PLCH2: variants seen among roughly 807,000 people sequenced by gnomAD.
PLCH2 encodes the protein phospholipase C eta 2.
In PLCH2, 98 loss-of-function variants were observed where a neutral mutation model predicts 134.7. The ratio of observed to expected loss-of-function variants is 0.73; its 90% CI spans 0.62 to 0.86. The LOEUF is 0.86. Among genes scored for constraint, PLCH2 ranks in the 40% least tolerant of loss-of-function variants. PLCH2 has a pLI of 0.00. For missense variants in PLCH2, 1,994 were observed against 1,986.6 expected, an observed-to-expected ratio of 1.00 and a Z score of -0.07; for synonymous variants, 974 against 827.5, an observed-to-expected ratio of 1.18 and a Z score of -3.04.
chr1:2,457,762 G>C (rs1640565753), intron 2 of PLCH2, among the ~76,000 whole-genome samples: 2 of 152,102 alleles, frequency 1.3e-5, no homozygotes, highest in South Asian at 4.2e-4. Context: ...CCACAGCCTC[G>C]TGTGGAACAT....
At chr1:2,472,387 A>G (rs1641366045), upstream of PLCH2, among the ~76,000 whole-genome samples, 1 of 152,108 alleles carries the variant, frequency 6.6e-6, no homozygotes, top group Non-Finnish European at 1.5e-5. Context: ...CCCCTCCTGC[A>G]TGCTGGGCCG....
At chr1:2,420,719 C>T in the PLCH2 span, among the ~76,000 whole-genome samples, 2 of 152,228 alleles carry the variant, frequency 1.3e-5, no homozygotes, top group African/African-American at 4.8e-5. Context: ...CTTCAGGCCT[C>T]AGGCCTGGAG....
rs532964052 is a variant in PLCH2, at chr1:2,458,353, G to T, written c.116-20123G>T. 4.6e-5 allele frequency among the ~76,000 whole-genome samples: 7 copies of T among 152,280 alleles called. No individual in the cohort carries two copies. In the South Asian group the frequency reaches 1.4e-3, roughly 32 times the overall value. On this transcript the variant is annotated intron_variant, in intron 2 of 3. Transcript: ENST00000609981. ...GCAGATGGCAGAGACCCTGGAGCAGGGCACTAGCAGGGGGCTGGGCACCTA... is the reference window on the plus strand; with the variant it reads ...GCAGATGGCAGAGACCCTGGAGCAGTGCACTAGCAGGGGGCTGGGCACCTA...
upstream of PLCH2, among the ~76,000 whole-genome samples, chr1:2,463,117 G>C (rs1208173805): frequency 6.6e-6 from 1 of 152,224 alleles, no homozygotes; most frequent in Admixed American, 6.5e-5. Context: ...GCACCTCTGA[G>C]AGGTAATTAG....
intron 14 of PLCH2, 61 bp from the exon 15 acceptor site, chr1:2,496,767 C>A: frequency 6.2e-7 from 1 of 1,609,804 alleles, no homozygotes; most frequent in Non-Finnish European, 8.5e-7. Flanking sequence ...CCCTGCTATG[C>A]TGCTGGGCGC....
chr1:2,472,197 G>A (rs1641355638), upstream of PLCH2, among the ~76,000 whole-genome samples: 2 of 152,208 alleles, frequency 1.3e-5, no homozygotes, highest in South Asian at 4.1e-4. Flanking sequence ...GCTCCCAGAC[G>A]TGCGGGGGGA....
upstream of PLCH2, among the ~76,000 whole-genome samples, chr1:2,464,853 T>C (rs2100599457): frequency 6.6e-6 from 1 of 152,256 alleles, no homozygotes; most frequent in African/African-American, 2.4e-5. Flanking sequence ...CAGCACCTGG[T>C]TCAGGTGGCC....
At chr1:2,466,679 G>A (rs908867985), upstream of PLCH2, among the ~76,000 whole-genome samples, 1 of 152,248 alleles carries the variant, frequency 6.6e-6, no homozygotes, top group Non-Finnish European at 1.5e-5. Flanking sequence ...CCTTGGGGCA[G>A]AGGTGGTACC....
At chr1:2,495,967 G>T (rs997671334) in intron 13 of PLCH2, among the ~76,000 whole-genome samples, 1 of 152,074 alleles carries the variant, frequency 6.6e-6, no homozygotes, top group African/African-American at 2.4e-5. Flanking sequence ...CCCCCGTGTC[G>T]GAGGCCTTCC....
rs575007313 is a variant in PLCH2, at chr1:2,499,633, T to C, written c.2582-8T>C. On this transcript the variant is annotated splice_region_variant and splice_polypyrimidine_tract_variant and intron_variant, in intron 19 of 21. Coordinates refer to ENST00000378486, the MANE Select transcript of PLCH2 (RefSeq NM_014638.4). ...ACCTCATGACCCTGCTGACCCACAC[T>C]GCTCCAGGCTACAGACACGTGTACC... The C allele has an allele frequency of 1.0e-5, 16 of 1,594,038 alleles. No individual in the cohort carries two copies. Among genetic ancestry groups the C allele is most frequent in the Middle Eastern group, 1.7e-4 (1 of 6,040 alleles).
At chr1:2,456,559 G>T (rs1434716620) in intron 2 of PLCH2, among the ~76,000 whole-genome samples, 1 of 152,232 alleles carries the variant, frequency 6.6e-6, no homozygotes, top group Non-Finnish European at 1.5e-5. Context: ...CTCGTCCTGT[G>T]CAGCCCCCGC....
At chr1:2,481,353 G>T (rs1283469819) in intron 4 of PLCH2, among the ~76,000 whole-genome samples, 1 of 152,246 alleles carries the variant, frequency 6.6e-6, no homozygotes, top group East Asian at 1.9e-4. Flanking sequence ...GGGCTGTGGG[G>T]GCTGGCAGGT....
upstream of PLCH2, among the ~76,000 whole-genome samples, chr1:2,465,945 T>C (rs548463079): frequency 6.6e-5 from 10 of 152,338 alleles, no homozygotes; most frequent in South Asian, 1.9e-3. Context: ...GGCTTTCGCC[T>C]TCTGTCTCCT....
Position 2,502,344 on chromosome 1 carries a change from C to G in PLCH2, c.2894C>G (p.Pro965Arg). Residue 965 changes from proline (P) to arginine (R), a missense_variant, in exon 21 of 22, where the codon CCC becomes CGC. By Grantham distance (103) the Pro-to-Arg change is moderately radical (BLOSUM62 -2). This residue lies in a region of PLCH2 where 900 missense variants were observed against 752.3 expected (regional missense o/e 1.20). Transcript: ENST00000378486. ...GSKGVADDVVPPGPGPAPEAP... is the reference protein window; with the variant it reads ...GSKGVADDVVRPGPGPAPEAP... ...AAGGGGGTGGCAGACGATGTGGTGC[C>G]CCCCGGGCCCGGACCTGCTCCGGAA... 6.5e-7 allele frequency: 1 copy of G among 1,536,638 alleles called. No individual in the cohort carries two copies. The highest frequency in any genetic ancestry group is 8.8e-7 in the Non-Finnish European group (1 of 1,142,632).
intron 4 of PLCH2, among the ~76,000 whole-genome samples, chr1:2,482,199 G>T (rs1048492590): frequency 6.6e-6 from 1 of 152,222 alleles, no homozygotes; most frequent in Non-Finnish European, 1.5e-5. Flanking sequence ...CTCACTGTCC[G>T]AGCATTTTTG....
chr1:2,491,256 A>T lies in PLCH2; in HGVS notation c.1580A>T (p.Glu527Val). The part of the protein sequence containing the change: ...AKRKLDSLIK[E>V]SKIRDCEDPN... ...AGGAAACTGGATTCCCTCATCAAAG[A>T]GTCGAAGATTCGGGACTGTGAGGAC... Residue 527 changes from glutamate to valine, a missense_variant, in exon 11 of 22, where the codon GAG becomes GTG. This residue lies in a region of PLCH2 where 1,094 missense variants were observed against 1,234.3 expected (regional missense o/e 0.89). Coordinates refer to ENST00000378486, the MANE Select transcript of PLCH2 (RefSeq NM_014638.4). 1 of 1,613,332 alleles carries T rather than the reference A, an allele frequency of 6.2e-7. No individual in the cohort carries two copies. Among genetic ancestry groups the T allele is most frequent in the Middle Eastern group, 1.6e-4 (1 of 6,062 alleles).
intron 12 of PLCH2, 45 bp downstream of exon 12, chr1:2,494,993 T>C: frequency 7.8e-7 from 1 of 1,280,004 alleles, no homozygotes; most frequent in East Asian, 2.6e-5. Flanking sequence ...GGGCCCAGTG[T>C]CCTCCCTGCT....
Position 2,505,025 on chromosome 1 carries a change from C to T in PLCH2, c.4063C>T (p.Gln1355Ter). 1 of 1,544,542 alleles carries T rather than the reference C, an allele frequency of 6.5e-7. No homozygotes were observed. The highest frequency in any genetic ancestry group is 1.4e-5 in the African/African-American group (1 of 73,342). Reference protein sequence around the residue: ...RVRAIASRARQAQERQQRLQG... With the variant: ...RVRAIASRAR ...GCGTGCCATTGCCAGCCGGGCCCGC[C>T]AGGCCCAGGAGCGGCAGCAGAGACT... is the stretch of plus-strand genomic sequence containing the variant. Residue 1355 changes from glutamine to a stop codon, truncating the protein, a stop_gained, in exon 22 of 22, where the codon CAG becomes TAG. Coordinates refer to ENST00000378486, the MANE Select transcript of PLCH2 (RefSeq NM_014638.4). LOFTEE classifies it high-confidence loss of function.
chr1:2,495,510 A>C lies in PLCH2; in HGVS notation c.1775A>C (p.Lys592Thr), dbSNP rs769326341. 1.0e-4 allele frequency: 160 copies of C among 1,551,920 alleles called. No individual in the cohort carries two copies. Among genetic ancestry groups the C allele is most frequent in the African/African-American group, 4.5e-4 (33 of 73,012 alleles). Residue 592 changes from lysine (K) to threonine (T), a missense_variant, in exon 13 of 22, where the codon AAG (lysine) becomes ACG (threonine). By Grantham distance (78) the Lys-to-Thr change is moderately conservative (BLOSUM62 -1). Transcript: ENST00000378486. ...CAGAAGAAGGGCAGCAAGCTGAAGA[A>C]GGCGGCCAGCGTGGAGGAGGGAGAT... is the stretch of plus-strand genomic sequence containing the variant. ...RRKKKGSKLK[K>T]AASVEEGDEG...
Sources: gnomAD v4.1 joint callset for allele counts (sites outside exome capture counted in the v4.1 genomes callset) on GRCh38, gnomAD v4.1.1 for gene constraint, gnomAD v4.1.1 regional missense constraint, MANE v1.5 for transcripts, NCBI Gene and HGNC (gene_info 2026-07-23, HGNC 2026-07-21) for gene names.